The following EPHX4 variants were observed in gnomAD, a reference collection of about 807,000 sequenced individuals.
The protein encoded by EPHX4 is abhydrolase domain containing 7.
In EPHX4, 31 loss-of-function variants were observed where a neutral mutation model predicts 44.9. The observed-to-expected ratio is 0.69, with a 90% CI of 0.52 to 0.93. The LOEUF (loss-of-function observed/expected upper bound fraction) is 0.93, where lower values mean the gene tolerates loss of function less well. Ranked by LOEUF, EPHX4 falls within the 40% of genes least tolerant of loss-of-function variation. The pLI, the probability that EPHX4 is intolerant of heterozygous loss-of-function variation, is 0.00. For synonymous variants in EPHX4, 151 were observed against 159.7 expected (o/e 0.95, Z 0.41); for missense variants, 373 against 438.1 (o/e 0.85, Z 1.33).
chr1:92,049,272 G>A (rs1341724372), intron 4 of EPHX4, among the ~76,000 whole-genome samples: 1 of 152,012 alleles, frequency 6.6e-6, no homozygotes, highest in Non-Finnish European at 1.5e-5. Context: ...GTAGATCTTT[G>A]CACAGCTGAC....
chr1:92,059,587 CAGG>C (rs1156392913), intron 6 of EPHX4, among the ~76,000 whole-genome samples: 3 of 151,958 alleles, frequency 2.0e-5, no homozygotes, highest in Non-Finnish European at 4.4e-5. Flanking sequence ...CTAGAAAAAA[CAGG>C]AGAATCTACA....
intron 2 of EPHX4, among the ~76,000 whole-genome samples, chr1:92,034,957 A>G (rs527748929): frequency 5.8e-4 from 89 of 152,222 alleles, no homozygotes; most frequent in African/African-American, 2.1e-3. Flanking sequence ...TTTAGTTAAT[A>G]CTTTGTGAGT....
intron 2 of EPHX4, 81 bp downstream of exon 2, chr1:92,032,671 T>C (rs1688379076): frequency 8.9e-7 from 1 of 1,127,078 alleles, no homozygotes; most frequent in South Asian, 1.3e-5. Context: ...TGTAACAGAA[T>C]ATCACAGTCT....
At position 92,030,107 on chromosome 1, in the gene EPHX4, C is replaced by T. The variant is rs550444110; in HGVS notation, c.28C>T (p.Arg10Cys). Residue 10 changes from arginine (R) to cysteine (C), a missense_variant, in exon 1 of 7, where the codon CGC (arginine) becomes TGC (cysteine). By Grantham distance (180) the Arg-to-Cys change is radical. Transcript: ENST00000370383. The stretch of plus-strand genomic sequence containing the variant: ...GGCGAGGCTGCGGGATTGCCTGCCC[C>T]GCCTGATGCTCACGCTCCGGTCCCT... MARLRDCLP[R>C]LMLTLRSLLF... 1.1e-5 allele frequency: 17 copies of T among 1,607,442 alleles called. No individual in the cohort carries two copies. The South Asian group carries it at 1.6e-4, about 15-fold the overall frequency.
chr1:92,045,728 G>A (rs1688573386), intron 4 of EPHX4, 68 bp downstream of exon 4: 2 of 1,579,696 alleles, frequency 1.3e-6, no homozygotes, highest in Admixed American at 3.6e-5. Context: ...TGACCTTTTG[G>A]ATTAGAAACA....
intron 2 of EPHX4, among the ~76,000 whole-genome samples, chr1:92,034,301 A>C (rs1282517892): frequency 4.1e-5 from 4 of 96,618 alleles, no homozygotes; most frequent in African/African-American, 1.3e-4. Flanking sequence ...TTCCGTCTCA[A>C]AAAAAAAAAA....
rs1688571438 is a variant in EPHX4 at position 92,045,560 on chromosome 1, T to G, written c.504T>G (p.His168Gln). The change falls in exon 4 of 7, where the codon CAT becomes CAG. Residue 168 changes from histidine to glutamine, a missense_variant. Physicochemically the swap from His to Gln is conservative, Grantham distance 24. Transcript: ENST00000370383. ...ATAGCAAATGTGTTCTTATTGGCCA[T>G]GACTGGGGGGGCATGATTGCTTGGC... ...LGYSKCVLIGHDWGGMIAWLI... is the reference protein window; with the variant it reads ...LGYSKCVLIGQDWGGMIAWLI... The G allele has an allele frequency of 5.6e-6, 9 of 1,613,862 alleles. No individual in the cohort carries two copies. In the East Asian group the frequency reaches 1.8e-4, roughly 32 times the overall value.
chr1:92,059,351 C>T (rs1016792159), intron 6 of EPHX4, among the ~76,000 whole-genome samples: 8 of 152,152 alleles, frequency 5.3e-5, no homozygotes, highest in African/African-American at 1.9e-4. Flanking sequence ...GCATGAGAAT[C>T]GCTTGAACCC....
chr1:92,042,793 A>G (rs1443031538), intron 2 of EPHX4, 30 bp from the exon 3 acceptor site: 2 of 1,582,230 alleles, frequency 1.3e-6, no homozygotes, highest in Non-Finnish European at 1.7e-6. Context: ...AGCTAATATG[A>G]TATTTTAAAT....
Position 92,043,210 on chromosome 1 carries a change from T to G in EPHX4, c.475+230T>G, listed in dbSNP as rs1448841108. ...GCCAAGAATGACTTTTCAGATTTGT[T>G]TTTAAACATAGACCTAATGGCCCGG... On this transcript the variant is annotated intron_variant, in intron 3 of 6. Coordinates refer to ENST00000370383, the MANE Select transcript of EPHX4 (RefSeq NM_173567.5). 5 of 368,780 alleles carry G rather than the reference T, an allele frequency of 1.4e-5. No homozygotes were observed. In the Admixed American group the frequency reaches 1.8e-4, roughly 13 times the overall value. The allele number at this position is 368,780 out of a possible 1,614,324, so 22.8% of individuals were successfully genotyped here.
chr1:92,032,207 A>G (rs1688370405), intron 1 of EPHX4, among the ~76,000 whole-genome samples: 1 of 152,206 alleles, frequency 6.6e-6, no homozygotes, highest in African/African-American at 2.4e-5. Context: ...ATAATATATA[A>G]ATTGACTGTA....
intron 5 of EPHX4, among the ~76,000 whole-genome samples, chr1:92,051,229 T>G (rs1311529551): frequency 6.6e-6 from 1 of 151,748 alleles, no homozygotes; most frequent in Non-Finnish European, 1.5e-5. Context: ...TGTGTATAAC[T>G]GTGATGGGAT....
intron 2 of EPHX4, among the ~76,000 whole-genome samples, chr1:92,039,483 T>TA (rs1408365962): frequency 3.9e-5 from 6 of 152,124 alleles, no homozygotes; most frequent in Non-Finnish European, 5.9e-5. Context: ...TATGAAGACA[T>TA]AAAAAATCAA....
At chr1:92,047,137 A>G (rs1688594006) in intron 4 of EPHX4, among the ~76,000 whole-genome samples, 1 of 152,262 alleles carries the variant, frequency 6.6e-6, no homozygotes, top group Non-Finnish European at 1.5e-5. Context: ...TTTCCTTGAC[A>G]TGATAGGCTC....
At chr1:92,042,036 C>T (rs1043616835) in intron 2 of EPHX4, among the ~76,000 whole-genome samples, 10 of 151,846 alleles carry the variant, frequency 6.6e-5, no homozygotes, top group African/African-American at 1.5e-4. Context: ...GCAATAAGAG[C>T]GAAACTCTGT....
intron 2 of EPHX4, among the ~76,000 whole-genome samples, chr1:92,035,843 A>G (rs1688429961): frequency 6.6e-6 from 1 of 152,126 alleles, no homozygotes; most frequent in Non-Finnish European, 1.5e-5. Flanking sequence ...TATATATACC[A>G]TCTCATTTAA....
In EPHX4 at chr1:92,034,064, G is replaced by A. The variant is rs575939372; in HGVS notation, c.317+1474G>A. 3.2e-3 allele frequency among the ~76,000 whole-genome samples: 460 copies of A among 145,450 alleles called. 2 individuals are homozygous for A. The highest frequency in any genetic ancestry group is 3.5e-3 in the Middle Eastern group (1 of 286). On this transcript the variant is annotated intron_variant, in intron 2 of 6. Coordinates refer to ENST00000370383, the MANE Select transcript of EPHX4 (RefSeq NM_173567.5). ...GTGGTACATATCAGGAGGCCGAGGC[G>A]GGTGGATCACGAGGTCGGGAGATTG... is the stretch of plus-strand genomic sequence containing the variant.
chr1:92,032,679 T>C, intron 2 of EPHX4, 89 bp downstream of exon 2: 2 of 1,078,188 alleles, frequency 1.9e-6, no homozygotes, highest in Non-Finnish European at 2.8e-6. Context: ...AATATCACAG[T>C]CTGGGTAACT....
Position 92,042,920 on chromosome 1 carries a change from C to T in EPHX4, c.415C>T (p.Arg139Ter), listed in dbSNP as rs201340952. The T allele has an allele frequency of 1.2e-5, 19 of 1,612,528 alleles. No individual in the cohort carries two copies. Among genetic ancestry groups the T allele is most frequent in the Non-Finnish European group, 1.4e-5 (17 of 1,178,930 alleles). The part of the protein sequence containing the change: ...GYGETDAPIH[R>*]QNYKLDCLIT... ...TGGAGAAACAGATGCTCCCATTCAT[C>T]GACAGAATTATAAATTGGATTGTCT... Residue 139 changes from arginine to a stop codon, truncating the protein, a stop_gained, in exon 3 of 7, where the codon CGA becomes TGA. Coordinates refer to ENST00000370383, the MANE Select transcript of EPHX4 (RefSeq NM_173567.5). LOFTEE classifies it high-confidence loss of function.
Sources: gnomAD v4.1 joint callset for allele counts (sites outside exome capture counted in the v4.1 genomes callset) on GRCh38, gnomAD v4.1.1 for gene constraint, MANE v1.5 for transcripts, NCBI Gene and HGNC (gene_info 2026-07-23, HGNC 2026-07-21) for gene names.